Variants in CCSER1 observed in about 807,000 individuals in gnomAD.
The protein encoded by CCSER1 is coiled-coil serine rich protein 1, also known as serine-rich coiled-coil domain-containing protein 1.
Under a neutral mutation model 82.0 loss-of-function variants are expected in CCSER1, and 41 were observed. That is an observed-to-expected ratio of 0.50 (90% CI 0.39 to 0.65). The LOEUF (loss-of-function observed/expected upper bound fraction) is 0.65, where lower values mean the gene tolerates loss of function less well. Among genes scored for constraint, CCSER1 ranks in the 30% least tolerant of loss-of-function variants. The probability of loss-of-function intolerance (pLI) is 0.00; values close to 1 mark genes in which losing one functional copy is unlikely to be tolerated. For missense variants in CCSER1, 1,119 were observed against 1,064.2 expected, an observed-to-expected ratio of 1.05 and a Z score of -0.72; for synonymous variants, 414 against 383.9, an observed-to-expected ratio of 1.08 and a Z score of -0.92.
intron 1 of CCSER1, among the ~76,000 whole-genome samples, chr4:90,254,985 A>G (rs1158622080): frequency 7.3e-6 from 1 of 136,750 alleles, no homozygotes; most frequent in Non-Finnish European, 1.5e-5. Context: ...ATCAACACAC[A>G]CACACACACA....
At chr4:91,444,568 G>A (rs1019456611) in intron 10 of CCSER1, among the ~76,000 whole-genome samples, 2 of 151,968 alleles carry the variant, frequency 1.3e-5, no homozygotes, top group African/African-American at 2.4e-5. Context: ...TCCTGCCTCG[G>A]CCTCCTGAGT....
chr4:90,940,544 ATGT>A (rs769574846), intron 9 of CCSER1, among the ~76,000 whole-genome samples: 1 of 152,052 alleles, frequency 6.6e-6, no homozygotes, highest in Non-Finnish European at 1.5e-5. Flanking sequence ...ATTAACGGGG[ATGT>A]TGTTTTTGTT....
chr4:91,131,610 A>T (rs936584522), intron 10 of CCSER1, among the ~76,000 whole-genome samples: 2 of 152,114 alleles, frequency 1.3e-5, no homozygotes, highest in African/African-American at 4.8e-5. Flanking sequence ...ATGTGTATAC[A>T]TATTTATATA....
intron 10 of CCSER1, among the ~76,000 whole-genome samples, chr4:91,176,458 A>ATT (rs1287652267): frequency 5.4e-4 from 83 of 152,308 alleles, no homozygotes; most frequent in Admixed American, 6.5e-4. Context: ...ATCCATAATT[A>ATT]TGTAACATTC....
intron 10 of CCSER1, among the ~76,000 whole-genome samples, chr4:91,320,037 G>C (rs186317838): frequency 6.6e-6 from 1 of 151,988 alleles, no homozygotes; most frequent in Admixed American, 6.6e-5. Context: ...GGGTATTCAT[G>C]CTGTCTGTGC....
intron 1 of CCSER1, among the ~76,000 whole-genome samples, chr4:90,306,186 G>A (rs1418885859): frequency 6.6e-6 from 1 of 152,170 alleles, no homozygotes; most frequent in African/African-American, 2.4e-5. Context: ...CCGGGGGCTG[G>A]GGTGTCGGGG....
chr4:90,945,952 G>A (rs1030234608), intron 9 of CCSER1, among the ~76,000 whole-genome samples: 2 of 152,126 alleles, frequency 1.3e-5, no homozygotes, highest in African/African-American at 4.8e-5. Context: ...CTGAAATATA[G>A]AGGAGTTAAG....
intron 6 of CCSER1, among the ~76,000 whole-genome samples, chr4:90,664,428 GT>G (rs965085135): frequency 1.3e-5 from 2 of 151,924 alleles, no homozygotes; most frequent in African/African-American, 2.4e-5. Flanking sequence ...GGAAAAGGGA[GT>G]TTTTTTTGTC....
At chr4:90,701,885 G>A (rs1738229103) in intron 6 of CCSER1, among the ~76,000 whole-genome samples, 1 of 152,100 alleles carries the variant, frequency 6.6e-6, no homozygotes, top group South Asian at 2.1e-4. Context: ...TGAGACGATG[G>A]GGTTTTCTAA....
chr4:90,882,860 A>G (rs769144983), intron 8 of CCSER1, among the ~76,000 whole-genome samples: 6 of 152,234 alleles, frequency 3.9e-5, no homozygotes, highest in Non-Finnish European at 8.8e-5. Flanking sequence ...TCTAGTGATG[A>G]ATTAAAAAGT....
chr4:90,706,023 A>T (rs1457114374), intron 6 of CCSER1, among the ~76,000 whole-genome samples: 1 of 152,078 alleles, frequency 6.6e-6, no homozygotes, highest in Non-Finnish European at 1.5e-5. Flanking sequence ...TGAACCTGGT[A>T]CCTCAGTTGG....
At chr4:91,368,869 A>G (rs910404167) in intron 10 of CCSER1, among the ~76,000 whole-genome samples, 1 of 152,210 alleles carries the variant, frequency 6.6e-6, no homozygotes, top group Admixed American at 6.5e-5. Flanking sequence ...TGCCAACATA[A>G]TACAAATATG....
At chr4:91,526,190 G>A (rs545054473) in intron 10 of CCSER1, among the ~76,000 whole-genome samples, 12 of 152,170 alleles carry the variant, frequency 7.9e-5, no homozygotes, top group Admixed American at 7.2e-4. Flanking sequence ...CTAGCTAAAA[G>A]CTTCCTCTAC....
chr4:90,728,394 A>G (rs1218250449), intron 7 of CCSER1, among the ~76,000 whole-genome samples: 1 of 152,130 alleles, frequency 6.6e-6, no homozygotes, highest in East Asian at 1.9e-4. Flanking sequence ...TAAGAACAAG[A>G]AAAAACTCTT....
chr4:90,895,079 T>C (rs116600516), intron 8 of CCSER1, among the ~76,000 whole-genome samples: 3,129 of 152,018 alleles, frequency 0.021, 114 homozygotes, highest in African/African-American at 0.07. Context: ...GGTGTAAATA[T>C]TTAAGACAGT....
chr4:90,459,561 CTG>C (rs1762620345), intron 4 of CCSER1, among the ~76,000 whole-genome samples: 1 of 152,046 alleles, frequency 6.6e-6, no homozygotes, highest in East Asian at 1.9e-4. Context: ...TGGCTTCTTT[CTG>C]TGTCTCTAGA....
At chr4:90,428,639 A>G (rs1041666512) in intron 4 of CCSER1, among the ~76,000 whole-genome samples, 6 of 151,814 alleles carry the variant, frequency 4.0e-5, no homozygotes, top group Admixed American at 1.3e-4. Context: ...TCATCTCCAT[A>G]TTCAGTAGGC....
intron 9 of CCSER1, among the ~76,000 whole-genome samples, chr4:90,979,048 A>T (rs2150415925): frequency 6.6e-6 from 1 of 151,816 alleles, no homozygotes; most frequent in East Asian, 1.9e-4. Context: ...AGCACCCTAA[A>T]ACAAAACAGC....
At chr4:90,183,613 A>G (rs973916939) in intron 1 of CCSER1, among the ~76,000 whole-genome samples, 3 of 152,290 alleles carry the variant, frequency 2.0e-5, no homozygotes, top group East Asian at 3.9e-4. Flanking sequence ...ACAATGAACT[A>G]TGTTATAATA....
Sources: gnomAD v4.1 joint callset for allele counts (sites outside exome capture counted in the v4.1 genomes callset) on GRCh38, gnomAD v4.1.1 for gene constraint, MANE v1.5 for transcripts, NCBI Gene and HGNC (gene_info 2026-07-23, HGNC 2026-07-21) for gene names.